The following PREX1 variants were observed in gnomAD, a reference collection of about 807,000 sequenced individuals.
The protein encoded by PREX1 is phosphatidylinositol 3,4,5-trisphosphate-dependent Rac exchanger 1 protein.
Under a neutral mutation model 198.3 loss-of-function variants are expected in PREX1, and 41 were observed. That is an observed-to-expected ratio of 0.21 (90% CI 0.16 to 0.27). The LOEUF is 0.27. Among genes scored for constraint, PREX1 ranks in the 10% least tolerant of loss-of-function variants. PREX1 has a pLI of 1.00. For missense variants in PREX1, 1,620 were observed against 2,200.7 expected (o/e 0.74, Z 5.28); for synonymous variants, 843 against 887.2 (o/e 0.95, Z 0.89).
At chr20:48,778,270 A>T (rs2090272323) in intron 1 of PREX1, among the ~76,000 whole-genome samples, 1 of 152,180 alleles carries the variant, frequency 6.6e-6, no homozygotes, top group African/African-American at 2.4e-5. Flanking sequence ...GATTCACATT[A>T]TCCAGTTTTA....
At chr20:48,747,713 C>T in intron 2 of PREX1, 96 bp downstream of exon 2, 1 of 1,348,082 alleles carries the variant, frequency 7.4e-7, no homozygotes. Context: ...TGATGCGCCT[C>T]CCCCTGCATG....
intron 14 of PREX1, 21 bp downstream of exon 14, chr20:48,676,172 C>T (rs373483339): frequency 6.2e-7 from 1 of 1,608,656 alleles, no homozygotes; most frequent in Non-Finnish European, 8.5e-7. Flanking sequence ...ACTGGTCACA[C>T]ACCCCTGAGG....
chr20:48,872,835 G>A, the PREX1 span, among the ~76,000 whole-genome samples: 57 of 152,310 alleles, frequency 3.7e-4, no homozygotes, highest in East Asian at 5.2e-3. Context: ...ACAGAGCCCC[G>A]GAAGTATTTC....
At position 48,756,597 on chromosome 20, in the gene PREX1, A is replaced by G. The variant is rs193206905; in HGVS notation, c.220-8717T>C. On this transcript the variant is annotated intron_variant, in intron 1 of 39. Transcript: ENST00000371941. ...GCACAAACATATTGCTTTGAATTGT[A>G]TCTTTAACAGGCTAATTTCTTCCTG... Among the ~76,000 whole-genome samples, 4 of 152,252 alleles carry G rather than the reference A, an allele frequency of 2.6e-5. No individual in the cohort carries two copies. In the East Asian group the frequency reaches 7.7e-4, roughly 29 times the overall value.
At chr20:48,847,768 C>T in the PREX1 span, among the ~76,000 whole-genome samples, 2 of 152,218 alleles carry the variant, frequency 1.3e-5, no homozygotes, top group Admixed American at 6.5e-5. Context: ...ACATTCCCCT[C>T]ACCCCAGAAA....
intron 1 of PREX1, among the ~76,000 whole-genome samples, chr20:48,824,959 G>C (rs2123087946): frequency 6.6e-6 from 1 of 152,268 alleles, no homozygotes; most frequent in South Asian, 2.1e-4. Flanking sequence ...ATAAAAGCAG[G>C]GAGGGATTAC....
At chr20:48,724,818 C>A (rs1285563168) in intron 5 of PREX1, among the ~76,000 whole-genome samples, 1 of 152,228 alleles carries the variant, frequency 6.6e-6, no homozygotes, top group African/African-American at 2.4e-5. Context: ...TCTGCAGGCC[C>A]GATTTGGTCC....
intron 10 of PREX1, among the ~76,000 whole-genome samples, chr20:48,686,575 G>A (rs750125309): frequency 1.3e-5 from 2 of 152,178 alleles, no homozygotes; most frequent in Non-Finnish European, 2.9e-5. Flanking sequence ...CAGGGGGCCC[G>A]GAAGCAGGCC....
intron 33 of PREX1, among the ~76,000 whole-genome samples, chr20:48,633,346 A>G (rs116263508): frequency 1.4e-3 from 208 of 152,354 alleles, no homozygotes; most frequent in African/African-American, 4.9e-3. Context: ...TTCCTCTTTT[A>G]ATGTATAATA....
chr20:48,663,548 C>T (rs1178368349), intron 15 of PREX1, among the ~76,000 whole-genome samples: 1 of 152,250 alleles, frequency 6.6e-6, no homozygotes, highest in African/African-American at 2.4e-5. Context: ...CTATGGCTCA[C>T]CACCTGCTTT....
the PREX1 span, among the ~76,000 whole-genome samples, chr20:48,877,215 G>A: frequency 2.0e-5 from 3 of 151,128 alleles, no homozygotes; most frequent in African/African-American, 4.9e-5. Context: ...AGGTTGCAGT[G>A]AGCCAAGATC....
chr20:48,874,377 G>A, the PREX1 span, among the ~76,000 whole-genome samples: 8 of 22,502 alleles, frequency 3.6e-4, no homozygotes, highest in African/African-American at 1.7e-3. Flanking sequence ...GTGTCCGTGT[G>A]TGTGTGTGTG....
Position 48,766,821 on chromosome 20 carries a change from A to G in PREX1, c.220-18941T>C, listed in dbSNP as rs369127492. Among the ~76,000 whole-genome samples, 3 of 152,268 alleles carry G rather than the reference A, an allele frequency of 2.0e-5. No individual in the cohort carries two copies. The East Asian group carries it at 5.8e-4, about 29-fold the overall frequency. On this transcript the variant is annotated intron_variant, in intron 1 of 39. Coordinates refer to ENST00000371941, the MANE Select transcript of PREX1 (RefSeq NM_020820.4). ...CATTTATGCTCATTCTTGGTGAGTG[A>G]GTGGATGGACGGGTAGAGGGAGGGA...
At chr20:48,661,456 TATATATATATATACAC>T (rs1319642857) in intron 15 of PREX1, among the ~76,000 whole-genome samples, 10 of 103,298 alleles carry the variant, frequency 9.7e-5, no homozygotes, top group African/African-American at 4.7e-4. Flanking sequence ...TATATATATA[TATATATATATATACAC>T]ACACATATAT....
intron 6 of PREX1, 31 bp from the exon 7 acceptor site, chr20:48,700,917 G>C: frequency 6.2e-7 from 1 of 1,613,390 alleles, no homozygotes; most frequent in Non-Finnish European, 8.5e-7. Flanking sequence ...CAGTGAATGA[G>C]CCAACCCAGG....
Position 48,632,619 on chromosome 20 carries a change from T to A in PREX1, c.4288A>T (p.Ile1430Phe), listed in dbSNP as rs745865920. 2.5e-6 allele frequency: 4 copies of A among 1,613,390 alleles called. No individual in the cohort carries two copies. The part of the protein sequence containing the change: ...YVANTNVFYH[I>F]EGSRQALKVI... ...TTCAGCGCCTGCCGGCTGCCCTCAA[T>A]GTGGTAGAAGACGTTGGTGTCTGCG... is the stretch of plus-strand genomic sequence containing the variant. Residue 1430 changes from isoleucine to phenylalanine, a missense_variant, in exon 34 of 40, where the codon ATT (isoleucine) becomes TTT (phenylalanine). Ile to Phe is a conservative substitution (Grantham distance 21). Coordinates refer to ENST00000371941, the MANE Select transcript of PREX1 (RefSeq NM_020820.4).
intron 32 of PREX1, 72 bp downstream of exon 32, chr20:48,636,391 C>T: frequency 2.1e-6 from 3 of 1,452,358 alleles, no homozygotes; most frequent in Non-Finnish European, 2.7e-6. Flanking sequence ...TGGGCAAGGG[C>T]TCCCTCGACC....
chr20:48,745,610 A>G (rs1056778197), intron 2 of PREX1, among the ~76,000 whole-genome samples: 47 of 152,378 alleles, frequency 3.1e-4, no homozygotes, highest in African/African-American at 1.1e-3. Flanking sequence ...CATTAAAATG[A>G]CGTGGTAGAA....
intron 1 of PREX1, among the ~76,000 whole-genome samples, chr20:48,804,773 G>C (rs1471361261): frequency 2.0e-5 from 3 of 152,198 alleles, no homozygotes; most frequent in African/African-American, 7.2e-5. Flanking sequence ...CTGGCTGCTT[G>C]TCCAAGTTGG....
Sources: allele counts gnomAD v4.1 joint callset (sites outside exome capture counted in the v4.1 genomes callset), GRCh38; gene constraint gnomAD v4.1.1; transcripts MANE v1.5; gene names NCBI Gene and HGNC (gene_info 2026-07-23, HGNC 2026-07-21).